The following RANBP2 variants were observed in gnomAD, a reference collection of about 807,000 sequenced individuals.
RANBP2 encodes the protein RAN binding protein 2.
RANBP2 carries 57 observed loss-of-function variants against 303.6 expected under a neutral mutation model. The ratio of observed to expected loss-of-function variants is 0.19; its 90% CI spans 0.15 to 0.23. The LOEUF (loss-of-function observed/expected upper bound fraction) is 0.23. Ranked by LOEUF, RANBP2 falls within the 10% of genes least tolerant of loss-of-function variation. The pLI, the probability that RANBP2 is intolerant of heterozygous loss-of-function variation, is 1.00. For missense variants in RANBP2, 3,138 were observed against 3,780.8 expected (o/e 0.83, Z 4.46); for synonymous variants, 1,167 against 1,301.5 (o/e 0.90, Z 2.23).
At chr2:109,409,437 A>T in the RANBP2 span, among the ~76,000 whole-genome samples, 1 of 152,188 alleles carries the variant, frequency 6.6e-6, no homozygotes, top group Non-Finnish European at 1.5e-5. Context: ...TGCCAATAAA[A>T]CTTTATTCAC....
chr2:108,775,225 T>C (rs1216345911), intron 23 of RANBP2, among the ~76,000 whole-genome samples: 2 of 152,218 alleles, frequency 1.3e-5, no homozygotes, highest in Non-Finnish European at 2.9e-5. Context: ...TTTGGTGATT[T>C]TCCTTCTGTA....
the RANBP2 span, among the ~76,000 whole-genome samples, chr2:109,658,756 C>A: frequency 6.6e-6 from 1 of 151,820 alleles, no homozygotes; most frequent in Non-Finnish European, 1.5e-5. Context: ...CATTGGGAAA[C>A]CCCGTCTCTA....
chr2:109,686,787 A>AT, the RANBP2 span, among the ~76,000 whole-genome samples: 1 of 151,912 alleles, frequency 6.6e-6, no homozygotes, highest in Non-Finnish European at 1.5e-5. Flanking sequence ...AACTTACTGT[A>AT]TTTTTTGTAG....
At chr2:109,389,645 T>C in the RANBP2 span, among the ~76,000 whole-genome samples, 1 of 152,256 alleles carries the variant, frequency 6.6e-6, no homozygotes, top group Non-Finnish European at 1.5e-5. Flanking sequence ...TCAAACTTAC[T>C]GAAATTTTAA....
At chr2:108,854,759 A>G in the RANBP2 span, among the ~76,000 whole-genome samples, 2 of 152,222 alleles carry the variant, frequency 1.3e-5, no homozygotes, top group Admixed American at 1.3e-4. Context: ...GGGCCTGTTT[A>G]TAGGTGAAGA....
the RANBP2 span, among the ~76,000 whole-genome samples, chr2:109,400,098 A>C: frequency 6.6e-6 from 1 of 152,204 alleles, no homozygotes; most frequent in Non-Finnish European, 1.5e-5. Flanking sequence ...TCAAAATCAC[A>C]ATGAACTCAG....
the RANBP2 span, among the ~76,000 whole-genome samples, chr2:109,558,305 T>A: frequency 1.3e-5 from 2 of 152,216 alleles, no homozygotes; most frequent in East Asian, 3.8e-4. Context: ...TGAAGAACTA[T>A]TTAGTTCTTG....
chr2:109,559,174 C>G, the RANBP2 span, among the ~76,000 whole-genome samples: 6 of 152,318 alleles, frequency 3.9e-5, 1 homozygote, highest in African/African-American at 1.4e-4. Flanking sequence ...GCATAAGCCA[C>G]CACGCCTGGC....
chr2:109,314,106 T>G, the RANBP2 span, among the ~76,000 whole-genome samples: 3 of 151,808 alleles, frequency 2.0e-5, no homozygotes, highest in Non-Finnish European at 4.4e-5. Flanking sequence ...GGGGACACAG[T>G]AGCGGAAAGC....
downstream of RANBP2, among the ~76,000 whole-genome samples, chr2:108,787,660 T>C (rs1045890839): frequency 6.6e-6 from 1 of 152,234 alleles, no homozygotes; most frequent in Non-Finnish European, 1.5e-5. Flanking sequence ...ATTGTCCTTT[T>C]TGTTGCCTTT....
At chr2:109,360,063 C>CAAA in the RANBP2 span, among the ~76,000 whole-genome samples, 1 of 135,152 alleles carries the variant, frequency 7.4e-6, no homozygotes. Flanking sequence ...TTCCTTGCAC[C>CAAA]AAAAAAAAAA....
the RANBP2 span, among the ~76,000 whole-genome samples, chr2:109,704,661 C>T: frequency 3.3e-5 from 5 of 152,094 alleles, no homozygotes; most frequent in Non-Finnish European, 7.4e-5. Context: ...AACAGCCTGA[C>T]TAACGTGGCG....
the RANBP2 span, among the ~76,000 whole-genome samples, chr2:109,162,659 C>A: frequency 6.6e-6 from 1 of 152,148 alleles, no homozygotes; most frequent in Non-Finnish European, 1.5e-5. Flanking sequence ...CAAGTCTTTG[C>A]TGTTGTGAAT....
the RANBP2 span, among the ~76,000 whole-genome samples, chr2:109,338,620 C>A: frequency 4.6e-5 from 7 of 152,116 alleles, no homozygotes; most frequent in Non-Finnish European, 5.9e-5. Flanking sequence ...TGCAGTGGTA[C>A]GATCTTGGCT....
At chr2:108,821,357 C>CA in the RANBP2 span, among the ~76,000 whole-genome samples, 10,641 of 151,284 alleles carry the variant, frequency 0.07, 1,269 homozygotes, top group African/African-American at 0.24. Context: ...GACTCCGTCT[C>CA]AAAAAAAATA....
chr2:108,724,790 T>G (rs1307691583), intron 1 of RANBP2, among the ~76,000 whole-genome samples: 1 of 151,930 alleles, frequency 6.6e-6, no homozygotes, highest in African/African-American at 2.4e-5. Context: ...GTATCTAGAC[T>G]TTTCCTCATT....
At chr2:109,103,268 G>A in the RANBP2 span, among the ~76,000 whole-genome samples, 1 of 152,208 alleles carries the variant, frequency 6.6e-6, no homozygotes, top group Non-Finnish European at 1.5e-5. Flanking sequence ...TATTTAAGGA[G>A]ATTTATTCTG....
chr2:109,204,868 G>C, the RANBP2 span, among the ~76,000 whole-genome samples: 12 of 152,274 alleles, frequency 7.9e-5, no homozygotes, highest in South Asian at 6.2e-4. Flanking sequence ...TAAACTAAAG[G>C]CTTTTTTGTG....
the RANBP2 span, among the ~76,000 whole-genome samples, chr2:109,388,250 C>T: frequency 6.6e-6 from 1 of 152,230 alleles, no homozygotes; most frequent in East Asian, 1.9e-4. Context: ...CTCAGCCAAG[C>T]CTTTCTCTAG....
Sources: gnomAD v4.1 joint callset for allele counts (sites outside exome capture counted in the v4.1 genomes callset) on GRCh38, gnomAD v4.1.1 for gene constraint, MANE v1.5 for transcripts, NCBI Gene and HGNC (gene_info 2026-07-23, HGNC 2026-07-21) for gene names.